MON2: variants seen among roughly 807,000 people sequenced by gnomAD.
The protein encoded by MON2 is protein MON2 homolog.
MON2 carries 84 observed loss-of-function variants against 208.6 expected under a neutral mutation model. The observed-to-expected ratio is 0.40, with a 90% confidence interval of 0.34 to 0.48. The LOEUF is 0.48. Ranked by LOEUF, MON2 falls within the 20% of genes least tolerant of loss-of-function variation. MON2 has a pLI of 0.59. For synonymous variants in MON2, 660 were observed against 694.0 expected (o/e 0.95, Z 0.77); for missense variants, 1,611 against 2,015.4 (o/e 0.80, Z 3.84).
chr12:62,484,383 G>A, intron 2 of MON2, 150 bp downstream of exon 2: 1 of 580,070 alleles, frequency 1.7e-6, no homozygotes, highest in Non-Finnish European at 3.1e-6. Flanking sequence ...ATGGGCAAAA[G>A]TCCATAACTT....
At chr12:62,557,889 C>G (rs1000801753) in intron 25 of MON2, among the ~76,000 whole-genome samples, 6 of 126,728 alleles carry the variant, frequency 4.7e-5, no homozygotes, top group African/African-American at 1.8e-4. Flanking sequence ...TTTTTAGTAC[C>G]TTCATGATAT....
intron 8 of MON2, among the ~76,000 whole-genome samples, chr12:62,510,093 C>T (rs926306617): frequency 1.3e-5 from 2 of 151,874 alleles, no homozygotes; most frequent in Non-Finnish European, 1.5e-5. Flanking sequence ...AAACATACAA[C>T]CTACTGAAAC....
intron 8 of MON2, chr12:62,509,053 A>G (rs7963346): frequency 0.65 from 98,827 of 151,780 alleles, 32,172 homozygotes; most frequent in Middle Eastern, 0.71. Flanking sequence ...GTGTTTTTTT[A>G]AAATTCTGTG....
intron 2 of MON2, among the ~76,000 whole-genome samples, chr12:62,487,022 T>G (rs2136016857): frequency 6.6e-6 from 1 of 152,274 alleles, no homozygotes; most frequent in East Asian, 1.9e-4. Flanking sequence ...AGTCTTTGCT[T>G]TACATCTCCC....
At chr12:62,548,751 G>A (rs2073609717) in intron 22 of MON2, among the ~76,000 whole-genome samples, 1 of 152,048 alleles carries the variant, frequency 6.6e-6, no homozygotes, top group African/African-American at 2.4e-5. Flanking sequence ...GACATACTAA[G>A]CACTCAGAGT....
chr12:62,567,954 A>C (rs2074444102), intron 29 of MON2, among the ~76,000 whole-genome samples: 1 of 152,196 alleles, frequency 6.6e-6, no homozygotes, highest in Admixed American at 6.5e-5. Flanking sequence ...TACCAATACT[A>C]CTTACATGTC....
At chr12:62,498,864 A>G in intron 4 of MON2, 55 bp from the exon 5 acceptor site, 2 of 1,525,348 alleles carry the variant, frequency 1.3e-6, no homozygotes, top group South Asian at 2.6e-5. Flanking sequence ...TTCAATAAAG[A>G]TAATGGCTTT....
At chr12:62,540,092 TATA>T (rs1400107422) in intron 19 of MON2, among the ~76,000 whole-genome samples, 3 of 152,198 alleles carry the variant, frequency 2.0e-5, no homozygotes, top group Non-Finnish European at 2.9e-5. Flanking sequence ...AACACAAAAC[TATA>T]ATATTTTTAA....
At chr12:62,569,511 G>A (rs922731254) in intron 29 of MON2, among the ~76,000 whole-genome samples, 2 of 152,212 alleles carry the variant, frequency 1.3e-5, no homozygotes, top group African/African-American at 2.4e-5. Context: ...CTGTAGGCCA[G>A]TAACAAGATT....
chr12:62,559,544 G>A (rs989466710), intron 25 of MON2, among the ~76,000 whole-genome samples: 1 of 152,168 alleles, frequency 6.6e-6, no homozygotes, highest in Non-Finnish European at 1.5e-5. Context: ...TCAGGAAGCT[G>A]AGGTAGGAGG....
At chr12:62,566,267 T>C in intron 28 of MON2, 55 bp from the exon 29 acceptor site, 1 of 1,568,706 alleles carries the variant, frequency 6.4e-7, no homozygotes, top group African/African-American at 1.4e-5. Flanking sequence ...GAAAACAATA[T>C]GATTAATTTA....
intron 1 of MON2, among the ~76,000 whole-genome samples, chr12:62,476,894 A>T (rs1271339650): frequency 1.3e-5 from 2 of 152,198 alleles, no homozygotes; most frequent in Non-Finnish European, 2.9e-5. Flanking sequence ...GTGGAAGCTT[A>T]TGCATATAAT....
At chr12:62,525,579 T>C (rs554337438) in intron 10 of MON2, among the ~76,000 whole-genome samples, 17 of 3,272 alleles carry the variant, frequency 5.2e-3, no homozygotes, top group East Asian at 0.038. Context: ...AACATGGTCA[T>C]TGGAGTTTGG....
In MON2 at chr12:62,596,018, A is replaced by C. The variant is rs946960520; in HGVS notation, c.*3269A>C. On this transcript the variant is annotated 3_prime_UTR_variant, in exon 35 of 35. Transcript: ENST00000393630. Reference sequence around the variant, plus strand: ...TAAATTATTTCTACAGCAGGCCAGTAACAACTAGATTATTTGTCCTTTCTC... The same window carrying C: ...TAAATTATTTCTACAGCAGGCCAGTCACAACTAGATTATTTGTCCTTTCTC... 6.6e-6 allele frequency: 1 copy of C among 152,220 alleles called. No homozygotes were observed. The highest frequency in any genetic ancestry group is 1.5e-5 in the Non-Finnish European group (1 of 68,028). The allele number at this position is 152,220 out of a possible 1,614,324, so 9.4% of individuals were successfully genotyped here. A position where few individuals can be genotyped will look rare whatever the true frequency, so the allele number is the denominator to read the frequency against.
intron 24 of MON2, among the ~76,000 whole-genome samples, chr12:62,555,669 TGTG>T (rs1202774369): frequency 6.6e-6 from 1 of 151,928 alleles, no homozygotes; most frequent in African/African-American, 2.4e-5. Flanking sequence ...AATTAGCTGG[TGTG>T]GTGGTGGACA....
At chr12:62,525,359 A>T in intron 10 of MON2, 139 bp downstream of exon 10, 1 of 770,974 alleles carries the variant, frequency 1.3e-6, no homozygotes, top group Non-Finnish European at 2.1e-6. Flanking sequence ...AATTGCACTG[A>T]AAGAATAATC....
intron 26 of MON2, among the ~76,000 whole-genome samples, chr12:62,563,712 A>T (rs1330683875): frequency 6.6e-6 from 1 of 152,152 alleles, no homozygotes; most frequent in Non-Finnish European, 1.5e-5. Flanking sequence ...TAACACTATT[A>T]GTATGTTTTC....
At chr12:62,471,349 AT>A (rs1479291882) in intron 1 of MON2, among the ~76,000 whole-genome samples, 2 of 152,012 alleles carry the variant, frequency 1.3e-5, no homozygotes. Flanking sequence ...CACCTGGCTA[AT>A]TTTTTGTATT....
chr12:62,493,928 C>T lies in MON2; in HGVS notation c.189C>T (p.Asn63=). The T allele has an allele frequency of 6.3e-7, 1 of 1,590,036 alleles. No homozygotes were observed. Among genetic ancestry groups the T allele is most frequent in the Non-Finnish European group, 8.6e-7 (1 of 1,166,042 alleles). Residue 63 remains asparagine, a synonymous_variant, in exon 3 of 35, where the codon AAC becomes AAT. Coordinates refer to ENST00000393630, the MANE Select transcript of MON2 (RefSeq NM_015026.3). ...NTEILAALKE[N]SSEVVQPFLM... is the part of the protein sequence containing the mutation. ...TTCTAAATGAAGCACTGAAAGAGAA[C>T]AGCTCAGAGGTTGTACAGCCTTTTT...
Sources: gnomAD v4.1 joint callset for allele counts (sites outside exome capture counted in the v4.1 genomes callset) on GRCh38, gnomAD v4.1.1 for gene constraint, MANE v1.5 for transcripts, NCBI Gene and HGNC (gene_info 2026-07-23, HGNC 2026-07-21) for gene names.